Variants in KIF14 observed in about 807,000 individuals in gnomAD.
KIF14 encodes kinesin family member 14.
KIF14 carries 98 observed loss-of-function variants against 176.2 expected under a neutral mutation model. That is an observed-to-expected ratio of 0.56 (90% confidence interval 0.47 to 0.66). KIF14 has a LOEUF of 0.66. Among genes scored for constraint, KIF14 ranks in the 30% least tolerant of loss-of-function variants. KIF14 has a pLI of 0.00. For synonymous variants in KIF14, 566 were observed against 632.2 expected (o/e 0.90, Z 1.57); for missense variants, 1,751 against 1,920.4 (o/e 0.91, Z 1.65).
intron 21 of KIF14, among the ~76,000 whole-genome samples, chr1:200,578,380 G>A (rs1658249664): frequency 6.6e-6 from 1 of 151,902 alleles, no homozygotes; most frequent in African/African-American, 2.4e-5. Flanking sequence ...AATGATCTAA[G>A]TAGTATATAG....
At chr1:200,571,120 T>C (rs373337069) in intron 22 of KIF14, among the ~76,000 whole-genome samples, 1 of 152,160 alleles carries the variant, frequency 6.6e-6, no homozygotes. Context: ...CCAATTGCTC[T>C]TTTTGCTGAC....
At chr1:200,587,607 G>A (rs1658822491) in intron 18 of KIF14, among the ~76,000 whole-genome samples, 1 of 152,120 alleles carries the variant, frequency 6.6e-6, no homozygotes. Context: ...GAGGTCAAGA[G>A]TTCAAGACCA....
At chr1:200,565,756 T>C in intron 23 of KIF14, 87 bp from the exon 24 acceptor site, 5 of 824,076 alleles carry the variant, frequency 6.1e-6, no homozygotes, top group Non-Finnish European at 9.4e-6. Context: ...CTTTATGTAC[T>C]TCTGCATTAC....
At chr1:200,592,437 A>ACAAT (rs1269263918) in intron 15 of KIF14, among the ~76,000 whole-genome samples, 197 bp from the exon 16 acceptor site, 3 of 152,084 alleles carry the variant, frequency 2.0e-5, no homozygotes, top group African/African-American at 7.2e-5. Flanking sequence ...GTGCAATGGC[A>ACAAT]CAATCTCAGC....
intron 22 of KIF14, 109 bp from the exon 23 acceptor site, chr1:200,570,114 T>C: frequency 3.8e-6 from 2 of 528,826 alleles, no homozygotes; most frequent in South Asian, 4.9e-5. Flanking sequence ...TGTGTGTTTT[T>C]CATTAAAAAT....
At chr1:200,579,198 A>G (rs1280897688) in intron 21 of KIF14, among the ~76,000 whole-genome samples, 3 of 151,894 alleles carry the variant, frequency 2.0e-5, no homozygotes, top group African/African-American at 7.3e-5. Context: ...GTTGCACACA[A>G]TGGCTCACGC....
At chr1:200,586,015 G>A in intron 19 of KIF14, 86 bp downstream of exon 19, 2 of 930,980 alleles carry the variant, frequency 2.1e-6, no homozygotes, top group South Asian at 3.2e-5. Flanking sequence ...ATATGTAAAG[G>A]CAACTAATGC....
intron 16 of KIF14, among the ~76,000 whole-genome samples, 192 bp downstream of exon 16, chr1:200,591,888 T>C (rs1418078350): frequency 1.3e-5 from 2 of 152,184 alleles, no homozygotes; most frequent in East Asian, 3.8e-4. Context: ...ATCTCCAGCA[T>C]TTGGTACAGT....
rs545698703 is a variant in KIF14, at chr1:200,593,939, T to TTTTA, written c.2550-171_2550-170insTAAA. ...TTTCCTCCAACTAGTTTTTTTTTTT[T>TTTTA]TTTTTTTTTGAGACGGAGTCTTGCT... On this transcript the variant is annotated intron_variant, in intron 14 of 29. Coordinates refer to ENST00000367350, the MANE Select transcript of KIF14 (RefSeq NM_014875.3). Among the ~76,000 whole-genome samples, 41 of 142,930 alleles carry TTTTA rather than the reference T, an allele frequency of 2.9e-4. 2 individuals are homozygous for TTTTA. The South Asian group carries it at 8.8e-3, about 31-fold the overall frequency. 93.8% of individuals were successfully genotyped at this position (142,930 alleles called of 152,430 possible).
At chr1:200,595,232 T>G (rs1418959831) in intron 14 of KIF14, among the ~76,000 whole-genome samples, 1 of 152,060 alleles carries the variant, frequency 6.6e-6, no homozygotes, top group Non-Finnish European at 1.5e-5. Context: ...AGAAGTCAAC[T>G]CTTCCTTCTC....
rs1442420503 is a variant in KIF14, at chr1:200,575,674, C to T, written c.3483G>A (p.Arg1161=). The T allele has an allele frequency of 1.9e-6, 3 of 1,568,796 alleles. No individual in the cohort carries two copies. The highest frequency in any genetic ancestry group is 1.2e-5 in the South Asian group (1 of 83,862). Residue 1161 remains arginine, a synonymous_variant, in exon 22 of 30, where the codon AGG becomes AGA. Transcript: ENST00000367350. ...CAGGATCACAAAAGGCATCTTCACC[C>T]CTGTTACTACCATTACTCTAAGAAA... ...KELYESNGSN[R]GEDAFCDPED...
At chr1:200,565,364 C>A in intron 24 of KIF14, 81 bp downstream of exon 24, 2 of 1,412,326 alleles carry the variant, frequency 1.4e-6, no homozygotes, top group Non-Finnish European at 1.9e-6. Context: ...GCCAGATGTG[C>A]CAAATAATCA....
At chr1:200,594,990 C>T (rs180755463) in intron 14 of KIF14, among the ~76,000 whole-genome samples, 3 of 152,256 alleles carry the variant, frequency 2.0e-5, no homozygotes, top group East Asian at 3.9e-4. Flanking sequence ...CCATTCTGGA[C>T]GCCCCACAAT....
chr1:200,576,477 C>CAAA (rs34294441), intron 21 of KIF14, among the ~76,000 whole-genome samples: 1 of 87,490 alleles, frequency 1.1e-5, no homozygotes, highest in African/African-American at 3.6e-5. Context: ...GACTCCGTCT[C>CAAA]AAAAAAAAAA....
At chr1:200,619,303 A>ATTTT (rs35089676) in intron 1 of KIF14, among the ~76,000 whole-genome samples, 8 of 147,886 alleles carry the variant, frequency 5.4e-5, no homozygotes, top group African/African-American at 1.5e-4. Context: ...TGCTACACGT[A>ATTTT]TTTTTTTTTT....
At chr1:200,606,412 C>G (rs1259547040) in intron 6 of KIF14, among the ~76,000 whole-genome samples, 1 of 152,054 alleles carries the variant, frequency 6.6e-6, no homozygotes, top group Non-Finnish European at 1.5e-5. Flanking sequence ...GTATAAAAAG[C>G]AGGTTGAGAG....
At position 200,603,143 on chromosome 1, in the gene KIF14, G is replaced by A. The variant is rs185111584; in HGVS notation, c.1979+83C>T. The A allele has an allele frequency of 1.1e-3, 873 of 796,432 alleles. 2 individuals are homozygous for A. Among genetic ancestry groups the A allele is most frequent in the Middle Eastern group, 5.0e-3 (14 of 2,824 alleles). 49.3% of individuals were successfully genotyped at this position (796,432 alleles called of 1,614,324 possible). ...GCTTACCACCTTTCTCCATCCCAAA[G>A]TTAATGAAGTCAGTCTATCATTCTT... is the stretch of plus-strand genomic sequence containing the variant. On this transcript the variant is annotated intron_variant, in intron 10 of 29. Transcript: ENST00000367350.
intron 24 of KIF14, 81 bp from the exon 25 acceptor site, chr1:200,565,334 AAC>A (rs777695712): frequency 1.4e-6 from 2 of 1,439,296 alleles, no homozygotes; most frequent in Non-Finnish European, 1.9e-6. Context: ...TAAAACATTT[AAC>A]ACAGTTAAAA....
intron 27 of KIF14, among the ~76,000 whole-genome samples, chr1:200,558,427 T>C (rs1156256852): frequency 6.6e-6 from 1 of 152,230 alleles, no homozygotes; most frequent in Admixed American, 6.5e-5. Flanking sequence ...ATGTAGCATG[T>C]TGAGTTTTGG....
Sources: allele counts gnomAD v4.1 joint callset (sites outside exome capture counted in the v4.1 genomes callset), GRCh38; gene constraint gnomAD v4.1.1; transcripts MANE v1.5; gene names NCBI Gene and HGNC (gene_info 2026-07-23, HGNC 2026-07-21).